Variants in ATP9A observed in about 807,000 individuals in gnomAD.
ATP9A encodes the protein ATPase phospholipid transporting 9A.
Under a neutral mutation model 144.1 loss-of-function variants are expected in ATP9A, and 52 were observed. The observed-to-expected ratio is 0.36, with a 90% CI of 0.29 to 0.45. The LOEUF is 0.45. ATP9A is among the 20% of genes least tolerant of loss of function. The pLI is 1.00. For synonymous variants in ATP9A, 582 were observed against 557.4 expected (o/e 1.04, Z -0.62); for missense variants, 947 against 1,392.7 (o/e 0.68, Z 5.09).
At chr20:51,749,446 A>C (rs1568846748) in intron 1 of ATP9A, among the ~76,000 whole-genome samples, 1 of 151,968 alleles carries the variant, frequency 6.6e-6, no homozygotes, top group Non-Finnish European at 1.5e-5. Context: ...TGCTATTTGT[A>C]GTAGAGACAG....
intron 1 of ATP9A, among the ~76,000 whole-genome samples, chr20:51,760,208 G>C (rs993994284): frequency 2.6e-5 from 4 of 152,154 alleles, no homozygotes; most frequent in Admixed American, 6.6e-5. Context: ...GCCTCCAGGC[G>C]TGAGTTACAG....
chr20:51,733,194 A>G (rs1299557470), intron 1 of ATP9A, among the ~76,000 whole-genome samples: 1 of 152,174 alleles, frequency 6.6e-6, no homozygotes. Flanking sequence ...TCACTGCACT[A>G]TGGGAGCAAG....
chr20:51,612,697 T>A (rs964824547), intron 23 of ATP9A, among the ~76,000 whole-genome samples: 1 of 152,180 alleles, frequency 6.6e-6, no homozygotes, highest in Non-Finnish European at 1.5e-5. Flanking sequence ...TGTGCTGGGA[T>A]TACAGGCATG....
Position 51,714,648 on chromosome 20 carries a change from G to A in ATP9A, c.328-1574C>T, listed in dbSNP as rs568928315. Among the ~76,000 whole-genome samples the A allele has an allele frequency of 1.3e-3, 204 of 152,180 alleles. 1 individual carries two copies. Among genetic ancestry groups the A allele is most frequent in the African/African-American group, 4.6e-3 (193 of 41,510 alleles). ...CTCCCAAAGTGCTGGGATTACCGGC[G>A]TGAGCCACCACGCCCAGCAGAGATG... On this transcript the variant is annotated intron_variant, in intron 3 of 27. Transcript: ENST00000338821.
chr20:51,683,899 A>T (rs1024977313), intron 9 of ATP9A, among the ~76,000 whole-genome samples: 4 of 152,214 alleles, frequency 2.6e-5, no homozygotes, highest in African/African-American at 9.6e-5. Flanking sequence ...CTCCAAAAAA[A>T]GTCAGTGGAT....
intron 6 of ATP9A, among the ~76,000 whole-genome samples, chr20:51,695,464 A>AG (rs1212175005): frequency 4.3e-4 from 29 of 66,872 alleles, no homozygotes; most frequent in African/African-American, 1.8e-3. Flanking sequence ...CCCGGTCTCA[A>AG]GGAAAAAAAA....
intron 14 of ATP9A, among the ~76,000 whole-genome samples, chr20:51,652,935 C>T (rs1483763707): frequency 1.3e-5 from 2 of 151,886 alleles, no homozygotes; most frequent in Non-Finnish European, 2.9e-5. Context: ...GGTGAAACCC[C>T]ATCTCTACTA....
Position 51,666,217 on chromosome 20 carries a change from C to T in ATP9A, c.1293+3780G>A, listed in dbSNP as rs548049472. On this transcript the variant is annotated intron_variant, in intron 13 of 27. Transcript: ENST00000338821. ...TCCTTGGAGTCCACAGGTTTAGATA[C>T]CCATGCTCTGAACAGGGATGAACCT... Among the ~76,000 whole-genome samples the T allele has an allele frequency of 5.9e-5, 9 of 152,060 alleles. No individual in the cohort carries two copies. In the South Asian group the frequency reaches 1.9e-3, roughly 32 times the overall value.
At chr20:51,608,707 C>T (rs963573979) in intron 24 of ATP9A, 81 bp from the exon 25 acceptor site, 2 of 835,746 alleles carry the variant, frequency 2.4e-6, no homozygotes, top group Non-Finnish European at 4.1e-6. Context: ...GCACCCAAGT[C>T]CCAACCATGC....
At chr20:51,696,182 T>C (rs1568825099) in intron 5 of ATP9A, 38 bp from the exon 6 acceptor site, 2 of 1,603,580 alleles carry the variant, frequency 1.2e-6, no homozygotes, top group Non-Finnish European at 1.7e-6. Context: ...TGTGAATGAA[T>C]GACCGTGTGC....
At chr20:51,765,401 T>A (rs1354483406) in intron 1 of ATP9A, among the ~76,000 whole-genome samples, 3 of 152,134 alleles carry the variant, frequency 2.0e-5, no homozygotes, top group African/African-American at 7.2e-5. Flanking sequence ...ACATCTGTAA[T>A]CACAGCACTT....
Position 51,631,580 on chromosome 20 carries a change from A to C in ATP9A, c.1669-2508T>G, listed in dbSNP as rs111706990. Among the ~76,000 whole-genome samples, 475 of 152,218 alleles carry C rather than the reference A, an allele frequency of 3.1e-3. 2 individuals are homozygous for C. Among genetic ancestry groups the C allele is most frequent in the Non-Finnish European group, 5.6e-3 (383 of 68,012 alleles). ...CACTTCCTCCCACGGAGTTCATCAC[A>C]AGTTTATTTCGTTCCCATATTATGG... On this transcript the variant is annotated intron_variant, in intron 15 of 27. Transcript: ENST00000338821.
intron 3 of ATP9A, among the ~76,000 whole-genome samples, chr20:51,724,584 A>G (rs565965535): frequency 6.6e-6 from 1 of 152,348 alleles, no homozygotes; most frequent in Non-Finnish European, 1.5e-5. Flanking sequence ...AGCACTTTTC[A>G]CAATTTGTAA....
At chr20:51,766,985 T>C (rs2077906918) in intron 1 of ATP9A, among the ~76,000 whole-genome samples, 1 of 151,742 alleles carries the variant, frequency 6.6e-6, no homozygotes, top group African/African-American at 2.4e-5. Flanking sequence ...TCCAGTTTCC[T>C]CCTCTGGGTA....
chr20:51,746,183 AG>A, intron 1 of ATP9A, among the ~76,000 whole-genome samples: 1 of 152,288 alleles, frequency 6.6e-6, no homozygotes, highest in Middle Eastern at 3.4e-3. Context: ...ATCTGCAGGT[AG>A]AGGGTGGGAG....
chr20:51,708,033 T>C (rs2077621920), intron 4 of ATP9A, among the ~76,000 whole-genome samples: 1 of 152,026 alleles, frequency 6.6e-6, no homozygotes. Context: ...CAACCAAATA[T>C]TTCCTAAAAT....
rs2077545453 is a variant in ATP9A at position 51,690,836 on chromosome 20, A to G, written c.643-17T>C. On this transcript the variant is annotated splice_polypyrimidine_tract_variant and intron_variant, in intron 7 of 27. Transcript: ENST00000338821. The stretch of plus-strand genomic sequence containing the variant: ...AAGAAGGTCCTGTTCAACAGAAGGC[A>G]CATTCGGGAGTCAAAGTCAGTTCAC... The G allele has an allele frequency of 2.5e-6, 4 of 1,611,060 alleles. No individual in the cohort carries two copies. The highest frequency in any genetic ancestry group is 3.4e-6 in the Non-Finnish European group (4 of 1,177,292).
intron 13 of ATP9A, among the ~76,000 whole-genome samples, chr20:51,663,607 A>C (rs1371711826): frequency 6.6e-6 from 1 of 152,066 alleles, no homozygotes; most frequent in Non-Finnish European, 1.5e-5. Flanking sequence ...ATCCTGGCTA[A>C]CATGGTGAAA....
chr20:51,748,586 A>T (rs1180635049), intron 1 of ATP9A, among the ~76,000 whole-genome samples: 1 of 152,210 alleles, frequency 6.6e-6, no homozygotes, highest in Non-Finnish European at 1.5e-5. Flanking sequence ...AAAAATCTTA[A>T]TAATGGCAAG....
Sources: allele counts gnomAD v4.1 joint callset (sites outside exome capture counted in the v4.1 genomes callset), GRCh38; gene constraint gnomAD v4.1.1; transcripts MANE v1.5; gene names NCBI Gene and HGNC (gene_info 2026-07-23, HGNC 2026-07-21).